Variants in DGKB observed in about 807,000 individuals in gnomAD.
The protein encoded by DGKB is 90 kDa diacylglycerol kinase.
DGKB carries 67 observed loss-of-function variants against 114.3 expected under a neutral mutation model. The ratio of observed to expected loss-of-function variants is 0.59; its 90% CI spans 0.48 to 0.72. DGKB has a LOEUF of 0.72. Ranked by LOEUF, DGKB falls within the 30% of genes least tolerant of loss-of-function variation. The probability of loss-of-function intolerance (pLI) is 0.00; values close to 1 mark genes in which losing one functional copy is unlikely to be tolerated. For missense variants in DGKB, 907 were observed against 975.2 expected (o/e 0.93, Z 0.93); for synonymous variants, 398 against 323.1 (o/e 1.23, Z -2.49).
chr7:14,429,482 G>A (rs561480979), intron 21 of DGKB, among the ~76,000 whole-genome samples: 61 of 152,270 alleles, frequency 4.0e-4, no homozygotes, highest in African/African-American at 1.4e-3. Context: ...TCAACCTATG[G>A]AAATTTAATA....
chr7:14,202,032 C>T (rs1669616781), intron 23 of DGKB, among the ~76,000 whole-genome samples: 2 of 151,896 alleles, frequency 1.3e-5, no homozygotes, highest in African/African-American at 2.4e-5. Flanking sequence ...AATAATTGCT[C>T]ATGATTTCAG....
chr7:14,548,524 A>C (rs759636779), intron 20 of DGKB, among the ~76,000 whole-genome samples: 1 of 152,126 alleles, frequency 6.6e-6, no homozygotes, highest in African/African-American at 2.4e-5. Flanking sequence ...AAATTGGAGG[A>C]AGGAGATGGG....
chr7:14,338,788 T>C, intron 22 of DGKB, 78 bp from the exon 23 acceptor site: 2 of 968,376 alleles, frequency 2.1e-6, no homozygotes, highest in Non-Finnish European at 2.8e-6. Flanking sequence ...CATTTCCTCA[T>C]CTTTTAATAA....
intron 21 of DGKB, among the ~76,000 whole-genome samples, chr7:14,394,229 A>T (rs1821889958): frequency 6.6e-6 from 1 of 152,200 alleles, no homozygotes; most frequent in African/African-American, 2.4e-5. Context: ...TTTCTAAATC[A>T]AATTTATCTG....
At chr7:14,376,575 T>C (rs1361345455) in intron 21 of DGKB, among the ~76,000 whole-genome samples, 1 of 152,166 alleles carries the variant, frequency 6.6e-6, no homozygotes, top group Non-Finnish European at 1.5e-5. Flanking sequence ...AGTCCAGTAC[T>C]TTATAGCAGA....
intron 20 of DGKB, among the ~76,000 whole-genome samples, chr7:14,508,148 A>C (rs1226917312): frequency 6.6e-6 from 1 of 152,166 alleles, no homozygotes; most frequent in Non-Finnish European, 1.5e-5. Context: ...TCTTGTCTTT[A>C]TTTATATAAA....
intron 21 of DGKB, among the ~76,000 whole-genome samples, chr7:14,389,167 G>A (rs1024428671): frequency 2.6e-5 from 4 of 152,128 alleles, no homozygotes; most frequent in African/African-American, 9.7e-5. Flanking sequence ...TCTTTTGTGT[G>A]TCTGCTTTAT....
rs1024268872 is a variant in DGKB, at chr7:14,188,520, C to T, written c.2123-10369G>A. Among the ~76,000 whole-genome samples, 36 of 144,684 alleles carry T rather than the reference C, an allele frequency of 2.5e-4. 4 individuals are homozygous for T. Among genetic ancestry groups the T allele is most frequent in the Non-Finnish European group, 3.8e-4 (25 of 65,722 alleles). 94.9% of individuals were successfully genotyped at this position (144,684 alleles called of 152,430 possible). A position where few individuals can be genotyped will look rare whatever the true frequency, so the allele number is the denominator to read the frequency against. On this transcript the variant is annotated intron_variant, in intron 23 of 25. Coordinates refer to ENST00000402815, the MANE Select transcript of DGKB (RefSeq NM_001350709.2). ...CTAAAAATACAAAAAATTAGCCGGG[C>T]GTGGTGGCGGGCGCCTGTAGTCCCA...
At chr7:14,701,066 G>A (rs549425098) in intron 7 of DGKB, among the ~76,000 whole-genome samples, 7 of 151,590 alleles carry the variant, frequency 4.6e-5, no homozygotes, top group Non-Finnish European at 8.8e-5. Context: ...ACAAATAAAC[G>A]TTTAATTATT....
At chr7:14,339,749 G>C (rs1328950425) in intron 22 of DGKB, among the ~76,000 whole-genome samples, 2 of 151,900 alleles carry the variant, frequency 1.3e-5, no homozygotes, top group African/African-American at 4.8e-5. Flanking sequence ...TATGAAAAGA[G>C]ATATAAGCGC....
chr7:14,575,479 CAG>C (rs1355519850), intron 19 of DGKB, among the ~76,000 whole-genome samples: 1 of 152,192 alleles, frequency 6.6e-6, no homozygotes, highest in East Asian at 1.9e-4. Context: ...CTAACCCTGA[CAG>C]AGTTACTGTT....
intron 21 of DGKB, among the ~76,000 whole-genome samples, chr7:14,416,262 T>C (rs35182111): frequency 0.26 from 40,263 of 151,944 alleles, 5,834 homozygotes; most frequent in East Asian, 0.48. Flanking sequence ...GATGTCAATA[T>C]ATTTAAGAAA....
At chr7:14,660,689 A>G (rs1257932477) in intron 13 of DGKB, among the ~76,000 whole-genome samples, 2 of 151,898 alleles carry the variant, frequency 1.3e-5, no homozygotes, top group East Asian at 3.9e-4. Context: ...TCTTCACAGA[A>G]TTGGAAAAAA....
chr7:14,443,065 C>A (rs1468688354), intron 21 of DGKB, among the ~76,000 whole-genome samples: 2 of 152,100 alleles, frequency 1.3e-5, no homozygotes, highest in African/African-American at 4.8e-5. Context: ...TGTTTTATAA[C>A]TGTCTAGTTT....
At chr7:14,882,326 A>G (rs1165187717) in intron 1 of DGKB, among the ~76,000 whole-genome samples, 2 of 152,082 alleles carry the variant, frequency 1.3e-5, no homozygotes, top group Non-Finnish European at 2.9e-5. Flanking sequence ...CACAAGGACC[A>G]TATCTTCTTT....
intron 1 of DGKB, among the ~76,000 whole-genome samples, chr7:14,955,454 A>C (rs61664148): frequency 0.02 from 3,069 of 152,120 alleles, 100 homozygotes; most frequent in African/African-American, 0.069. Flanking sequence ...CTTTGTCCTC[A>C]GAGCTATTTA....
chr7:14,607,157 C>CATGTGT (rs1554542102), intron 17 of DGKB, among the ~76,000 whole-genome samples: 8 of 148,232 alleles, frequency 5.4e-5, no homozygotes, highest in Admixed American at 4.1e-4. Flanking sequence ...GCTAGTTTGT[C>CATGTGT]GTGTGTGTGT....
At chr7:14,487,965 T>A (rs144673193) in intron 20 of DGKB, among the ~76,000 whole-genome samples, 32 of 152,264 alleles carry the variant, frequency 2.1e-4, no homozygotes, top group African/African-American at 7.0e-4. Flanking sequence ...ATATTTCTCA[T>A]CTGCTGTAAA....
chr7:14,263,974 G>A (rs940011276), intron 23 of DGKB, among the ~76,000 whole-genome samples: 6 of 152,118 alleles, frequency 3.9e-5, no homozygotes, highest in African/African-American at 1.4e-4. Context: ...AATCTTTTGC[G>A]GAAATATCAA....
Sources: gnomAD v4.1 joint callset for allele counts (sites outside exome capture counted in the v4.1 genomes callset) on GRCh38, gnomAD v4.1.1 for gene constraint, MANE v1.5 for transcripts, NCBI Gene and HGNC (gene_info 2026-07-23, HGNC 2026-07-21) for gene names.